SDC2: variants seen among roughly 807,000 people sequenced by gnomAD.
SDC2 encodes the protein syndecan 2, also known as syndecan-2.
A neutral mutation model predicts 22.2 loss-of-function variants in SDC2; 13 were observed. The observed-to-expected ratio is 0.59, with a 90% CI of 0.38 to 0.93. The LOEUF (loss-of-function observed/expected upper bound fraction) is 0.93, where lower values mean the gene tolerates loss of function less well. Ranked by LOEUF, SDC2 falls within the 40% of genes least tolerant of loss-of-function variation. SDC2 has a pLI of 0.00. For synonymous variants in SDC2, 94 were observed against 92.8 expected, an observed-to-expected ratio of 1.01 and a Z score of -0.07; for missense variants, 235 against 246.8, an observed-to-expected ratio of 0.95 and a Z score of 0.32.
Position 96,609,989 on chromosome 8 carries a change from C to T in SDC2, c.*441C>T, listed in dbSNP as rs1815150006. ...CCTTCTTGTGCCCTTAAAACCAAACCCTATGCCTTTTGTAGCTGTCATGGT... is the reference window on the plus strand; with the variant it reads ...CCTTCTTGTGCCCTTAAAACCAAACTCTATGCCTTTTGTAGCTGTCATGGT... On this transcript the variant is annotated 3_prime_UTR_variant, in exon 5 of 5. Transcript: ENST00000302190. The T allele has an allele frequency of 6.5e-6, 1 of 153,062 alleles. No individual in the cohort carries two copies. Among genetic ancestry groups the T allele is most frequent in the Admixed American group, 6.6e-5 (1 of 15,266 alleles). The allele number at this position is 153,062 out of a possible 1,614,324, so 9.5% of individuals were successfully genotyped here. A position where few individuals can be genotyped will look rare whatever the true frequency, so the allele number is the denominator to read the frequency against.
intron 1 of SDC2, among the ~76,000 whole-genome samples, chr8:96,552,400 G>A (rs148445427): frequency 0.014 from 2,103 of 152,260 alleles, 18 homozygotes; most frequent in Non-Finnish European, 0.02. Flanking sequence ...GAAGTAAATC[G>A]TGCTGTGTTG....
chr8:96,590,180 G>C (rs1814755180), intron 1 of SDC2, among the ~76,000 whole-genome samples: 1 of 152,190 alleles, frequency 6.6e-6, no homozygotes, highest in African/African-American at 2.4e-5. Flanking sequence ...AAAAGGGAAA[G>C]GTCTGAAAGA....
chr8:96,499,532 T>A (rs181505458), intron 1 of SDC2, among the ~76,000 whole-genome samples: 1 of 152,324 alleles, frequency 6.6e-6, no homozygotes, highest in Non-Finnish European at 1.5e-5. Flanking sequence ...GGCTTGGGCT[T>A]GGGAGGTGGA....
At chr8:96,605,041 C>G (rs2582806) in intron 3 of SDC2, among the ~76,000 whole-genome samples, 63,217 of 152,098 alleles carry the variant, frequency 0.42, 14,552 homozygotes, top group Non-Finnish European at 0.52. Context: ...TTCCCACACT[C>G]TCAGATCCCT....
At chr8:96,519,708 A>T (rs1813464672) in intron 1 of SDC2, among the ~76,000 whole-genome samples, 2 of 151,680 alleles carry the variant, frequency 1.3e-5, no homozygotes, top group Non-Finnish European at 2.9e-5. Flanking sequence ...GCTGGAGTGT[A>T]GTGGTGCAAT....
chr8:96,546,289 G>A (rs192723133), intron 1 of SDC2, among the ~76,000 whole-genome samples: 57 of 152,166 alleles, frequency 3.7e-4, no homozygotes, highest in Non-Finnish European at 7.2e-4. Flanking sequence ...AATTTCATGT[G>A]GATGCATGTT....
At chr8:96,494,521 C>T (rs1202338931) in intron 1 of SDC2, among the ~76,000 whole-genome samples, 190 bp downstream of exon 1, 3 of 152,218 alleles carry the variant, frequency 2.0e-5, no homozygotes, top group Non-Finnish European at 4.4e-5. Flanking sequence ...AAGCGCTGCT[C>T]GCTGGCGTTA....
chr8:96,608,126 A>G (rs1398401688), intron 3 of SDC2, among the ~76,000 whole-genome samples: 1 of 152,214 alleles, frequency 6.6e-6, no homozygotes, highest in African/African-American at 2.4e-5. Flanking sequence ...TTGCCTGATC[A>G]TGCGATGGGT....
chr8:96,579,678 A>G (rs922678851), intron 1 of SDC2, among the ~76,000 whole-genome samples: 10 of 152,252 alleles, frequency 6.6e-5, no homozygotes, highest in Non-Finnish European at 1.5e-4. Flanking sequence ...AGCTATTGTC[A>G]TCTGCTAAAG....
At chr8:96,500,527 T>A (rs1021741537) in intron 1 of SDC2, among the ~76,000 whole-genome samples, 1 of 151,690 alleles carries the variant, frequency 6.6e-6, no homozygotes. Flanking sequence ...CCGGGCGTGG[T>A]GATGGGCACC....
intron 1 of SDC2, among the ~76,000 whole-genome samples, chr8:96,522,226 G>A (rs901890227): frequency 7.9e-5 from 12 of 152,116 alleles, no homozygotes; most frequent in African/African-American, 2.9e-4. Context: ...GTCCCAAGTA[G>A]GAAAAAAAGT....
chr8:96,550,053 G>A (rs16894721), intron 1 of SDC2, among the ~76,000 whole-genome samples: 5,677 of 152,216 alleles, frequency 0.037, 250 homozygotes, highest in African/African-American at 0.1. Context: ...GCATAGATGG[G>A]TCTCTTAGCT....
intron 1 of SDC2, among the ~76,000 whole-genome samples, chr8:96,583,010 A>G (rs1462113728): frequency 6.6e-6 from 1 of 150,656 alleles, no homozygotes; most frequent in Non-Finnish European, 1.5e-5. Flanking sequence ...GAAATGGATC[A>G]GGAGTGGCCC....
chr8:96,510,385 A>G (rs1167127941), intron 1 of SDC2, among the ~76,000 whole-genome samples: 6 of 152,214 alleles, frequency 3.9e-5, no homozygotes, highest in African/African-American at 1.4e-4. Context: ...TGTGAGCAAG[A>G]CATCTGAGTT....
intron 1 of SDC2, among the ~76,000 whole-genome samples, chr8:96,517,801 G>GTGTGTA (rs1442189943): frequency 4.8e-5 from 5 of 103,292 alleles, no homozygotes; most frequent in African/African-American, 1.5e-4. Context: ...GTGTGTGTGT[G>GTGTGTA]TATATATATA....
At chr8:96,496,295 A>G (rs1022420770) in intron 1 of SDC2, among the ~76,000 whole-genome samples, 5 of 152,336 alleles carry the variant, frequency 3.3e-5, no homozygotes, top group East Asian at 1.9e-4. Context: ...TGAACTGTGT[A>G]TCTTTGGGGT....
chr8:96,498,585 G>A (rs774696790), intron 1 of SDC2, among the ~76,000 whole-genome samples: 3 of 151,974 alleles, frequency 2.0e-5, no homozygotes, highest in Non-Finnish European at 4.4e-5. Context: ...CCACCTCCCA[G>A]GTTCAAGCGA....
chr8:96,598,433 C>T (rs925117844), intron 2 of SDC2, among the ~76,000 whole-genome samples: 3 of 152,020 alleles, frequency 2.0e-5, no homozygotes, highest in African/African-American at 7.2e-5. Flanking sequence ...AACAGCCTGA[C>T]ATGGCGAAAC....
intron 2 of SDC2, among the ~76,000 whole-genome samples, chr8:96,601,819 G>T (rs1814992764): frequency 6.6e-6 from 1 of 151,552 alleles, no homozygotes; most frequent in Admixed American, 6.6e-5. Context: ...GAATGCAATG[G>T]TGTGACCTCT....
Sources: gnomAD v4.1 joint callset for allele counts (sites outside exome capture counted in the v4.1 genomes callset) on GRCh38, gnomAD v4.1.1 for gene constraint, MANE v1.5 for transcripts, NCBI Gene and HGNC (gene_info 2026-07-23, HGNC 2026-07-21) for gene names.